GNG7: variants seen among roughly 807,000 people sequenced by gnomAD.
GNG7 encodes the protein guanine nucleotide-binding protein G(I)/G(S)/G(O) subunit gamma-7.
A neutral mutation model predicts 4.0 loss-of-function variants in GNG7; 1 was observed. The ratio of observed to expected loss-of-function variants is 0.25; its 90% confidence interval spans 0.09 to 1.18. GNG7 has a LOEUF of 1.18. Among genes scored for constraint, GNG7 ranks in the 50% most tolerant of loss-of-function variants. GNG7 has a pLI of 0.50. For missense variants in GNG7, 86 were observed against 91.9 expected (o/e 0.94, Z 0.26); for synonymous variants, 34 against 36.9 (o/e 0.92, Z 0.29).
intron 2 of GNG7, among the ~76,000 whole-genome samples, chr19:2,578,988 T>TCTGC (rs1980422639): frequency 6.6e-6 from 1 of 152,100 alleles, no homozygotes; most frequent in African/African-American, 2.4e-5. Flanking sequence ...TGCTTGTCTG[T>TCTGC]CGCTTGTCTG....
intron 2 of GNG7, among the ~76,000 whole-genome samples, chr19:2,570,475 G>A (rs1313386047): frequency 6.6e-5 from 10 of 152,084 alleles, no homozygotes; most frequent in African/African-American, 2.2e-4. Context: ...CATGTGGATG[G>A]GGCCCGTGTT....
At chr19:2,613,310 C>T (rs80185113) in intron 2 of GNG7, among the ~76,000 whole-genome samples, 1,693 of 152,236 alleles carry the variant, frequency 0.011, 36 homozygotes, top group African/African-American at 0.038. Flanking sequence ...GCTCTCAGCC[C>T]CTCATCTAAA....
At chr19:2,576,357 G>A (rs1980340124) in intron 2 of GNG7, among the ~76,000 whole-genome samples, 1 of 152,198 alleles carries the variant, frequency 6.6e-6, no homozygotes, top group South Asian at 2.1e-4. Flanking sequence ...AATCCGCCCT[G>A]GGTGGGGCTG....
rs56935207 is a variant in GNG7, at chr19:2,608,051, G to GAA, written c.-78+38171_-78+38172dup. 7.2e-3 allele frequency among the ~76,000 whole-genome samples: 710 copies of GAA among 99,076 alleles called. 8 individuals carry two copies. The highest frequency in any genetic ancestry group is 0.024 in the African/African-American group (653 of 27,758). The allele number at this position is 99,076 out of a possible 152,430, so 65.0% of individuals were successfully genotyped here. ...GATCAGAAGATCAGATGGTATTTGA[G>GAA]AAAAAAAAAAAAAAAAAGGTTAAGC... On this transcript the variant is annotated intron_variant, in intron 2 of 4. Coordinates refer to ENST00000382159, the MANE Select transcript of GNG7 (RefSeq NM_052847.3).
rs1979580404 is a variant in GNG7, at chr19:2,557,181, C to T, written c.-77-1993G>A. Among the ~76,000 whole-genome samples the T allele has an allele frequency of 6.6e-6, 1 of 151,912 alleles. No homozygotes were observed. The highest frequency in any genetic ancestry group is 2.4e-5 in the African/African-American group (1 of 41,338). On this transcript the variant is annotated intron_variant, in intron 2 of 4. Transcript: ENST00000382159. The surrounding 1 kb of genome is among the most constrained non-coding windows in gnomAD (Gnocchi z 5.1). Reference sequence around the variant, plus strand: ...AAAGACACGCGCACACACGTACACACAAGACACGTGCACACACATTTGCAT... The same window carrying T: ...AAAGACACGCGCACACACGTACACATAAGACACGTGCACACACATTTGCAT...
chr19:2,568,156 TAC>T (rs1010827082), intron 2 of GNG7, among the ~76,000 whole-genome samples: 2 of 141,520 alleles, frequency 1.4e-5, no homozygotes, highest in South Asian at 4.5e-4. Context: ...TGCACACACA[TAC>T]ACATACATAC....
At position 2,674,396 on chromosome 19, in the gene GNG7, G is replaced by A. The variant is rs1306664835; in HGVS notation, c.-134-28116C>T. 2.0e-5 allele frequency among the ~76,000 whole-genome samples: 3 copies of A among 152,196 alleles called. No individual in the cohort carries two copies. The East Asian group carries it at 5.8e-4, about 29-fold the overall frequency. ...GAATCGTCACACTGCTGGGAAAAGG[G>A]CAAGGTCTCCAAAGGTGACTGGTGT... is the stretch of plus-strand genomic sequence containing the variant. On this transcript the variant is annotated intron_variant, in intron 1 of 4. Coordinates refer to ENST00000382159, the MANE Select transcript of GNG7 (RefSeq NM_052847.3).
chr19:2,658,996 G>A (rs1983066672), intron 1 of GNG7, among the ~76,000 whole-genome samples: 1 of 149,224 alleles, frequency 6.7e-6, no homozygotes, highest in African/African-American at 2.5e-5. Flanking sequence ...TTGAAATGGA[G>A]TCTCGCTCTG....
At chr19:2,649,985 C>T (rs1982767143) in intron 1 of GNG7, among the ~76,000 whole-genome samples, 1 of 151,968 alleles carries the variant, frequency 6.6e-6, no homozygotes. Context: ...GTGTCTCTCA[C>T]TGAGTGTGAC....
chr19:2,512,308 T>C lies in GNG7; in HGVS notation c.*2714A>G. 1.0e-6 allele frequency: 1 copy of C among 985,656 alleles called. No homozygotes were observed. Among genetic ancestry groups the C allele is most frequent in the Non-Finnish European group, 1.2e-6 (1 of 829,906 alleles). 61.1% of individuals were successfully genotyped at this position (985,656 alleles called of 1,614,324 possible). ...TCGGTGTGTGCACTCGGGTGCCACGTCTGCAAAGGTATTTTCCACAGTGTG... is the reference window on the plus strand; with the variant it reads ...TCGGTGTGTGCACTCGGGTGCCACGCCTGCAAAGGTATTTTCCACAGTGTG... On this transcript the variant is annotated 3_prime_UTR_variant, in exon 5 of 5. Transcript: ENST00000382159. The surrounding 1 kb of genome is among the most constrained non-coding windows in gnomAD (Gnocchi z 4.7).
rs1161755547 is a variant in GNG7, at chr19:2,657,357, AAAAAATATATATATATAT to A, written c.-134-11095_-134-11078del. 1.2e-3 allele frequency among the ~76,000 whole-genome samples: 20 copies of A among 16,166 alleles called. 1 individual carries two copies. Among genetic ancestry groups the A allele is most frequent in the African/African-American group, 2.8e-3 (18 of 6,342 alleles). The allele number at this position is 16,166 out of a possible 152,430, so 10.6% of individuals were successfully genotyped here. On this transcript the variant is annotated intron_variant, in intron 1 of 4. Coordinates refer to ENST00000382159, the MANE Select transcript of GNG7 (RefSeq NM_052847.3). ...TCAATTAAAAAAAAAAAAAAAAAAA[AAAAAATATATATATATAT>A]ATATATATATATATATATATATATA... is the stretch of plus-strand genomic sequence containing the variant.
chr19:2,645,043 C>T (rs1212912555), intron 2 of GNG7, among the ~76,000 whole-genome samples: 1 of 152,104 alleles, frequency 6.6e-6, no homozygotes, highest in African/African-American at 2.4e-5. Context: ...ACATTACATG[C>T]CATAAAATTC....
At chr19:2,659,908 A>C (rs1983103783) in intron 1 of GNG7, among the ~76,000 whole-genome samples, 1 of 152,210 alleles carries the variant, frequency 6.6e-6, no homozygotes, top group South Asian at 2.1e-4. Context: ...AAGACTGGTC[A>C]GTCTTGGCCA....
At position 2,555,150 on chromosome 19, in the gene GNG7, T is replaced by C. The variant is rs905551104; in HGVS notation, c.-39A>G. The C allele has an allele frequency of 2.6e-5, 4 of 152,186 alleles. No individual in the cohort carries two copies. The highest frequency in any genetic ancestry group is 9.7e-5 in the African/African-American group (4 of 41,442). 9.4% of individuals were successfully genotyped at this position (152,186 alleles called of 1,614,324 possible). A position where few individuals can be genotyped will look rare whatever the true frequency, so the allele number is the denominator to read the frequency against. On this transcript the variant is annotated splice_region_variant and 5_prime_UTR_variant, in exon 3 of 5. Coordinates refer to ENST00000382159, the MANE Select transcript of GNG7 (RefSeq NM_052847.3). ...GAAGTAAGAGAAAATGCCACATACC[T>C]TTTTTAGTTTTCCCAGGAATCACAG...
chr19:2,658,577 C>T (rs1189282238), intron 1 of GNG7, among the ~76,000 whole-genome samples: 1 of 151,836 alleles, frequency 6.6e-6, no homozygotes, highest in Non-Finnish European at 1.5e-5. Context: ...GAATATGATT[C>T]AGCCTGAAAA....
intron 1 of GNG7, among the ~76,000 whole-genome samples, chr19:2,694,013 ATGACTC>A (rs1389765784): frequency 1.3e-5 from 2 of 152,112 alleles, no homozygotes; most frequent in Non-Finnish European, 2.9e-5. Context: ...TGTAAAATAA[ATGACTC>A]TGACCTTGAA....
intron 1 of GNG7, among the ~76,000 whole-genome samples, chr19:2,657,344 AAAAAAAAAAAAAAAAAAAT>A (rs1983003027): frequency 7.9e-5 from 1 of 12,718 alleles, no homozygotes; most frequent in Non-Finnish European, 1.9e-4. Flanking sequence ...AATTAAAAAA[AAAAAAAAAAAAAAAAAAAT>A]ATATATATAT....
At chr19:2,568,807 TAC>T (rs201015197) in intron 2 of GNG7, among the ~76,000 whole-genome samples, 5,454 of 151,340 alleles carry the variant, frequency 0.036, 319 homozygotes, top group African/African-American at 0.13. Flanking sequence ...CGCACATATA[TAC>T]ACACACATAT....
rs922355779 is a variant in GNG7, at chr19:2,618,430, C to A, written c.-78+27794G>T. 3.3e-5 allele frequency among the ~76,000 whole-genome samples: 5 copies of A among 151,794 alleles called. No homozygotes were observed. Among genetic ancestry groups the A allele is most frequent in the Admixed American group, 3.3e-4 (5 of 15,210 alleles). Reference sequence around the variant, plus strand: ...GTGGTGCAACCTCAGCTCACTGCAACCTGCACCTCCCCTGTTCAAGCGATT... The same window carrying A: ...GTGGTGCAACCTCAGCTCACTGCAAACTGCACCTCCCCTGTTCAAGCGATT... On this transcript the variant is annotated intron_variant, in intron 2 of 4. Transcript: ENST00000382159. The surrounding 1 kb of genome is among the most constrained non-coding windows in gnomAD (Gnocchi z 5.1).
Sources: gnomAD v4.1 joint callset for allele counts (sites outside exome capture counted in the v4.1 genomes callset) on GRCh38, gnomAD v4.1.1 for gene constraint, Gnocchi (gnomAD v3.1) non-coding constraint, MANE v1.5 for transcripts, NCBI Gene and HGNC (gene_info 2026-07-23, HGNC 2026-07-21) for gene names.